ADCY8: variants seen among roughly 807,000 people sequenced by gnomAD.
ADCY8 encodes adenylate cyclase 8, also known as adenylate cyclase type 8.
ADCY8 carries 51 observed loss-of-function variants against 119.7 expected under a neutral mutation model. The observed-to-expected ratio is 0.43, with a 90% CI of 0.34 to 0.54. ADCY8 has a LOEUF of 0.54. Ranked by LOEUF, ADCY8 falls within the 20% of genes least tolerant of loss-of-function variation. The pLI is 0.03. For missense variants in ADCY8, 1,383 were observed against 1,598.8 expected, an observed-to-expected ratio of 0.87 and a Z score of 2.30; for synonymous variants, 665 against 651.0, an observed-to-expected ratio of 1.02 and a Z score of -0.33.
At chr8:130,968,491 T>C (rs1364155450) in intron 2 of ADCY8, among the ~76,000 whole-genome samples, 1 of 152,150 alleles carries the variant, frequency 6.6e-6, no homozygotes, top group African/African-American at 2.4e-5. Context: ...CTTTTTATCA[T>C]CACTATTCCT....
intron 3 of ADCY8, among the ~76,000 whole-genome samples, chr8:130,948,907 C>G (rs1042749114): frequency 6.6e-6 from 1 of 152,036 alleles, no homozygotes; most frequent in African/African-American, 2.4e-5. Flanking sequence ...CGCCCCGCCG[C>G]CCCGAGCTGA....
At chr8:131,018,084 G>A (rs1318469053) in intron 1 of ADCY8, among the ~76,000 whole-genome samples, 8 of 152,210 alleles carry the variant, frequency 5.3e-5, no homozygotes, top group Admixed American at 1.3e-4. Context: ...TGGAATAAGT[G>A]TTGGTTTAAG....
intron 8 of ADCY8, among the ~76,000 whole-genome samples, chr8:130,875,676 G>T (rs1343992785): frequency 6.6e-6 from 1 of 152,136 alleles, no homozygotes; most frequent in Non-Finnish European, 1.5e-5. Flanking sequence ...TCCAATAAAA[G>T]TTGATGGGAT....
intron 16 of ADCY8, 134 bp from the exon 17 acceptor site, chr8:130,783,939 G>A (rs1815169575): frequency 3.2e-6 from 2 of 634,010 alleles, no homozygotes; most frequent in South Asian, 2.0e-5. Flanking sequence ...ATGTGGGTGA[G>A]CCCCTCTACA....
At chr8:130,893,318 C>T (rs1461065781) in intron 7 of ADCY8, among the ~76,000 whole-genome samples, 1 of 152,040 alleles carries the variant, frequency 6.6e-6, no homozygotes, top group East Asian at 1.9e-4. Context: ...GGATAAGGTA[C>T]GATCTAGGAA....
At chr8:130,868,596 C>A (rs2130393328) in intron 8 of ADCY8, among the ~76,000 whole-genome samples, 1 of 152,294 alleles carries the variant, frequency 6.6e-6, no homozygotes, top group South Asian at 2.1e-4. Context: ...AGAAGGTCAG[C>A]ACTCAATGTG....
chr8:130,850,986 G>A (rs1817507384), intron 9 of ADCY8, among the ~76,000 whole-genome samples: 1 of 152,144 alleles, frequency 6.6e-6, no homozygotes, highest in Non-Finnish European at 1.5e-5. Flanking sequence ...GGCTCAGAGG[G>A]AAGAAACTTC....
intron 12 of ADCY8, among the ~76,000 whole-genome samples, chr8:130,823,238 TA>T (rs113838622): frequency 0.22 from 33,473 of 152,126 alleles, 3,751 homozygotes; most frequent in Admixed American, 0.26. Context: ...GAAGAAAAAG[TA>T]AAAATTATGA....
chr8:130,943,497 G>GGGGGGGGGGGCCC, intron 3 of ADCY8, 35 bp from the exon 4 acceptor site: 6 of 491,346 alleles, frequency 1.2e-5, no homozygotes, highest in Non-Finnish European at 1.7e-5. Flanking sequence ...GTGGGGGGAG[G>GGGGGGGGGGGCCC]AAGTATATTA....
intron 9 of ADCY8, among the ~76,000 whole-genome samples, chr8:130,850,699 T>C (rs1817496010): frequency 1.3e-5 from 2 of 152,270 alleles, no homozygotes; most frequent in East Asian, 3.9e-4. Context: ...AATTGAGGTT[T>C]ATTCATCTGG....
intron 8 of ADCY8, among the ~76,000 whole-genome samples, chr8:130,875,149 A>G (rs1226617162): frequency 6.6e-6 from 1 of 152,178 alleles, no homozygotes; most frequent in Non-Finnish European, 1.5e-5. Context: ...GACTACCTAG[A>G]GGGTGGTAGA....
chr8:131,039,382 T>C lies in ADCY8; in HGVS notation c.952A>G (p.Ile318Val), dbSNP rs1426981628. ...AGGCAGGCAGGAGTTACCTGGTTGA[T>C]GGAAATGACCGCCAGCCGGGGTATG... ...VVIPRLAVIS[I>V]NQVVAQAVLF... The change falls in exon 1 of 18, where the codon ATC becomes GTC. Residue 318 changes from isoleucine to valine, a missense_variant. Ile to Val is a conservative substitution (Grantham distance 29). Around this residue, in one of 2 missense-constraint regions of ADCY8, gnomAD observed 455 missense variants for 435.3 expected, o/e 1.05. Coordinates refer to ENST00000286355, the MANE Select transcript of ADCY8 (RefSeq NM_001115.3). The C allele has an allele frequency of 5.0e-6, 8 of 1,612,248 alleles. No individual in the cohort carries two copies. The highest frequency in any genetic ancestry group is 4.2e-6 in the Non-Finnish European group (5 of 1,178,646).
At chr8:130,818,755 A>G (rs1816420532) in intron 13 of ADCY8, among the ~76,000 whole-genome samples, 1 of 152,202 alleles carries the variant, frequency 6.6e-6, no homozygotes, top group Non-Finnish European at 1.5e-5. Flanking sequence ...TGCAGATAGA[A>G]GACACTTGAA....
At chr8:130,977,354 TACTC>T (rs1822103490) in intron 2 of ADCY8, among the ~76,000 whole-genome samples, 1 of 152,220 alleles carries the variant, frequency 6.6e-6, no homozygotes, top group African/African-American at 2.4e-5. Context: ...ATACTTGTAA[TACTC>T]ATTCATTCAG....
intron 2 of ADCY8, 130 bp downstream of exon 2, chr8:130,990,263 G>A (rs1185378308): frequency 1.6e-6 from 2 of 1,232,272 alleles, no homozygotes; most frequent in African/African-American, 1.5e-5. Context: ...TTCAGACTCT[G>A]GAATCCTGTG....
intron 2 of ADCY8, among the ~76,000 whole-genome samples, chr8:130,967,798 G>A (rs1297758830): frequency 6.6e-6 from 1 of 152,094 alleles, no homozygotes; most frequent in African/African-American, 2.4e-5. Context: ...TTGGGACAAA[G>A]CTCTTTCCTG....
chr8:130,842,770 G>A (rs1251722395), intron 11 of ADCY8, among the ~76,000 whole-genome samples: 1 of 151,612 alleles, frequency 6.6e-6, no homozygotes, highest in Non-Finnish European at 1.5e-5. Flanking sequence ...TACTTGGGAG[G>A]TGGAGGCACA....
chr8:131,002,029 T>C (rs1240509051), intron 1 of ADCY8, among the ~76,000 whole-genome samples: 1 of 152,222 alleles, frequency 6.6e-6, no homozygotes, highest in African/African-American at 2.4e-5. Context: ...TGATTTGCTG[T>C]GCTACGCATA....
At chr8:130,982,407 T>A (rs1822267078) in intron 2 of ADCY8, among the ~76,000 whole-genome samples, 1 of 152,246 alleles carries the variant, frequency 6.6e-6, no homozygotes, top group African/African-American at 2.4e-5. Flanking sequence ...GAGCATCAGA[T>A]TGGGGCGTTG....
Sources: allele counts gnomAD v4.1 joint callset (sites outside exome capture counted in the v4.1 genomes callset), GRCh38; gene constraint gnomAD v4.1.1; regional missense constraint gnomAD v4.1.1; transcripts MANE v1.5; gene names NCBI Gene and HGNC (gene_info 2026-07-23, HGNC 2026-07-21).